ZSCAN18: variants seen among roughly 807,000 people sequenced by gnomAD.
The protein encoded by ZSCAN18 is zinc finger and SCAN domain-containing protein 18.
ZSCAN18 carries 16 observed loss-of-function variants against 31.1 expected under a neutral mutation model. The ratio of observed to expected loss-of-function variants is 0.51; its 90% confidence interval spans 0.35 to 0.78. The LOEUF is 0.78. ZSCAN18 is among the 30% of genes least tolerant of loss of function. ZSCAN18 has a pLI of 0.01. For missense variants in ZSCAN18, 731 were observed against 697.4 expected (o/e 1.05, Z -0.54); for synonymous variants, 375 against 320.7 (o/e 1.17, Z -1.81).
chr19:58,091,775 A>G (rs968264225), intron 1 of ZSCAN18, among the ~76,000 whole-genome samples: 4 of 152,154 alleles, frequency 2.6e-5, no homozygotes, highest in East Asian at 1.9e-4. Context: ...GTCACTGGCT[A>G]TGGACACACA....
intron 1 of ZSCAN18, chr19:58,092,608 T>C: frequency 6.0e-6 from 4 of 668,816 alleles, no homozygotes; most frequent in Non-Finnish European, 7.4e-6. Flanking sequence ...ACCAGAAGTT[T>C]GCAGAGAGTC....
At chr19:58,101,020 A>G (rs1194866987), upstream of ZSCAN18, among the ~76,000 whole-genome samples, 6 of 151,868 alleles carry the variant, frequency 4.0e-5, no homozygotes, top group African/African-American at 1.2e-4. Flanking sequence ...TTGCAGGTCT[A>G]TTTCCGGGTT....
In ZSCAN18 at chr19:58,085,334, G is replaced by T. The variant is rs75484882; in HGVS notation, c.884C>A (p.Ala295Asp). 1,682 of 1,594,094 alleles carry T rather than the reference G, an allele frequency of 1.1e-3. 27 individuals carry two copies. The African/African-American group carries it at 0.02, about 19-fold the overall frequency. The change falls in exon 7 of 7, where the codon GCC becomes GAC. Residue 295 changes from alanine (A) to aspartate (D), a missense_variant. By Grantham distance (126) the Ala-to-Asp change is moderately radical. Transcript: ENST00000601144. ...CTCAGGCAGCACCCCCGCGGGGGCG[G>T]CCTCCTCGCAGGCGCACCCAGCGCT... ...QESAGCACEE[A>D]APAGVLPELP... is the part of the protein sequence containing the mutation.
chr19:58,102,927 T>C (rs1219445474), upstream of ZSCAN18, among the ~76,000 whole-genome samples: 2 of 150,476 alleles, frequency 1.3e-5, no homozygotes, highest in African/African-American at 2.5e-5. Context: ...AGGTCAGGAG[T>C]TCAAGACCAG....
At position 58,085,330 on chromosome 19, in the gene ZSCAN18, G is replaced by A; in HGVS notation, c.888C>T (p.Ala296=). Residue 296 remains alanine (A), a synonymous_variant, in exon 7 of 7, where the codon GCC becomes GCT. Transcript: ENST00000601144. ...GCAGCTCAGGCAGCACCCCCGCGGG[G>A]GCGGCCTCCTCGCAGGCGCACCCAG... ...ESAGCACEEA[A]PAGVLPELPT... 1 of 1,595,052 alleles carries A rather than the reference G, an allele frequency of 6.3e-7. No homozygotes were observed. The highest frequency in any genetic ancestry group is 8.5e-7 in the Non-Finnish European group (1 of 1,177,878).
chr19:58,108,645 T>C, intron 1 of ZSCAN18: 1 of 985,554 alleles, frequency 1.0e-6, no homozygotes, highest in Non-Finnish European at 1.2e-6. Context: ...GAGATTTCGG[T>C]CTAACGGACA....
rs1381704536 is a variant in ZSCAN18 at position 58,084,356 on chromosome 19, G to C, written c.*329C>G. ...CTTGAAGAAAGCACTGGCAGATCACGCACTTTAAGGCAACTCTACACTGCA... is the reference window on the plus strand; with the variant it reads ...CTTGAAGAAAGCACTGGCAGATCACCCACTTTAAGGCAACTCTACACTGCA... On this transcript the variant is annotated 3_prime_UTR_variant, in exon 7 of 7. Coordinates refer to ENST00000601144, the MANE Select transcript of ZSCAN18 (RefSeq NM_001145543.2). The surrounding 1 kb of genome is among the most constrained non-coding windows in gnomAD (Gnocchi z 4.5). The C allele has an allele frequency of 7.7e-6, 2 of 258,300 alleles. No homozygotes were observed. Among genetic ancestry groups the C allele is most frequent in the South Asian group, 1.7e-4 (1 of 6,058 alleles). The allele number at this position is 258,300 out of a possible 1,614,324, so 16.0% of individuals were successfully genotyped here.
chr19:58,087,392 G>C lies in ZSCAN18; in HGVS notation c.566C>G (p.Pro189Arg). ...CCTCTGTTCCAGAAACAGGGGGTCC[G>C]GAGAAAGCCAGGCTGGGGAGAAGGA... ...PAPSETPWLS[P>R]DPLFLEQRRV... The change falls in exon 4 of 7, where the codon CCG (proline) becomes CGG (arginine). Residue 189 changes from proline to arginine, a missense_variant. By Grantham distance (103) the Pro-to-Arg change is moderately radical. Coordinates refer to ENST00000601144, the MANE Select transcript of ZSCAN18 (RefSeq NM_001145543.2). 6.3e-7 allele frequency: 1 copy of C among 1,599,994 alleles called. No homozygotes were observed. Among genetic ancestry groups the C allele is most frequent in the Non-Finnish European group, 8.5e-7 (1 of 1,172,786 alleles).
Position 58,085,017 on chromosome 19 carries a change from C to T in ZSCAN18, c.1201G>A (p.Gly401Arg). 1 of 1,590,690 alleles carries T rather than the reference C, an allele frequency of 6.3e-7. No individual in the cohort carries two copies. The highest frequency in any genetic ancestry group is 8.6e-7 in the Non-Finnish European group (1 of 1,168,530). Residue 401 changes from glycine (G) to arginine (R), a missense_variant, in exon 7 of 7, where the codon GGG becomes AGG. Physicochemically the swap from Gly to Arg is moderately radical, Grantham distance 125. Transcript: ENST00000601144. ...SAGLEAGQGP[G>R]ADEPGLSRGK... ...CGGGACAAGCCCGGCTCGTCAGCCC[C>T]AGGGCCCTGCCCGGCCTCCAGCCCT... is the stretch of plus-strand genomic sequence containing the variant.
At chr19:58,112,592 A>G (rs2074692759) in intron 1 of ZSCAN18, among the ~76,000 whole-genome samples, 1 of 151,456 alleles carries the variant, frequency 6.6e-6, no homozygotes, top group Non-Finnish European at 1.5e-5. Flanking sequence ...CGGAGATTGC[A>G]GTGAGCCGAG....
At chr19:58,115,947 C>T (rs1180109648) in intron 1 of ZSCAN18, among the ~76,000 whole-genome samples, 1 of 151,928 alleles carries the variant, frequency 6.6e-6, no homozygotes, top group African/African-American at 2.4e-5. Context: ...AACCTGGAAA[C>T]TTCCAAGATG....
At chr19:58,116,997 C>T (rs1486304667) in intron 1 of ZSCAN18, among the ~76,000 whole-genome samples, 2 of 152,208 alleles carry the variant, frequency 1.3e-5, no homozygotes, top group Non-Finnish European at 2.9e-5. Context: ...AAGCGATCCT[C>T]CTGCCTCAGC....
chr19:58,103,419 C>G (rs1362008467), intron 1 of ZSCAN18, among the ~76,000 whole-genome samples: 3 of 152,170 alleles, frequency 2.0e-5, no homozygotes, highest in South Asian at 4.1e-4. Flanking sequence ...CTCTGTGTCT[C>G]TGTGTCACAT....
At chr19:58,107,726 A>G in intron 1 of ZSCAN18, 1 of 989,760 alleles carries the variant, frequency 1.0e-6, no homozygotes, top group Non-Finnish European at 1.2e-6. Context: ...AAATCAGATC[A>G]GTCACTGCCA....
chr19:58,089,164 G>A (rs1347559997), intron 2 of ZSCAN18, among the ~76,000 whole-genome samples: 10 of 149,590 alleles, frequency 6.7e-5, no homozygotes, highest in East Asian at 6.0e-4. Context: ...TTAGCCGGGC[G>A]TAGTGGCGGG....
chr19:58,108,417 TTCCTTTCAC>T, intron 1 of ZSCAN18: 1 of 985,488 alleles, frequency 1.0e-6, no homozygotes, highest in South Asian at 4.7e-5. Context: ...CCCATACCAA[TTCCTTTCAC>T]AGGGCTTCTT....
intron 1 of ZSCAN18, among the ~76,000 whole-genome samples, chr19:58,091,151 C>A (rs2074402107): frequency 6.6e-6 from 1 of 151,206 alleles, no homozygotes; most frequent in Non-Finnish European, 1.5e-5. Flanking sequence ...TGCCTGTATT[C>A]CCAGCTACTT....
intron 1 of ZSCAN18, chr19:58,107,815 A>G: frequency 1.0e-6 from 1 of 998,122 alleles, no homozygotes; most frequent in Non-Finnish European, 1.2e-6. Context: ...ATACTTGGGA[A>G]AACTTTCCCA....
chr19:58,104,222 T>C (rs2074615944), intron 1 of ZSCAN18, among the ~76,000 whole-genome samples: 1 of 151,914 alleles, frequency 6.6e-6, no homozygotes, highest in Middle Eastern at 3.4e-3. Flanking sequence ...CTACTAAAAA[T>C]ACAAAAATTA....
Sources: allele counts gnomAD v4.1 joint callset (sites outside exome capture counted in the v4.1 genomes callset), GRCh38; gene constraint gnomAD v4.1.1; non-coding constraint Gnocchi (gnomAD v3.1); transcripts MANE v1.5; gene names NCBI Gene and HGNC (gene_info 2026-07-23, HGNC 2026-07-21).